Variants in SLC19A1 observed in about 807,000 individuals in gnomAD.
SLC19A1 encodes the protein reduced folate transporter.
In SLC19A1, 37 loss-of-function variants were observed where a neutral mutation model predicts 35.3. That is an observed-to-expected ratio of 1.05 (90% CI 0.81 to 1.38). SLC19A1 has a LOEUF of 1.38. Ranked by LOEUF, SLC19A1 falls within the 40% of genes most tolerant of loss-of-function variation. SLC19A1 has a pLI of 0.00. For missense variants in SLC19A1, 831 were observed against 826.9 expected (o/e 1.00, Z -0.06); for synonymous variants, 460 against 398.5 (o/e 1.15, Z -1.84).
chr21:45,520,850 G>A (rs150760376), intron 5 of SLC19A1, among the ~76,000 whole-genome samples: 19 of 152,088 alleles, frequency 1.2e-4, no homozygotes, highest in Non-Finnish European at 1.8e-4. Flanking sequence ...GAGAAACCCC[G>A]TCTCTACTAA....
At chr21:45,552,270 C>A (rs997399310) in intron 1 of SLC19A1, among the ~76,000 whole-genome samples, 3 of 152,188 alleles carry the variant, frequency 2.0e-5, no homozygotes, top group Non-Finnish European at 4.4e-5. Flanking sequence ...GGAGCTACAT[C>A]CTGGCCTCAG....
At chr21:45,535,639 G>A (rs1361594532) in intron 2 of SLC19A1, among the ~76,000 whole-genome samples, 1 of 152,194 alleles carries the variant, frequency 6.6e-6, no homozygotes, top group East Asian at 1.9e-4. Flanking sequence ...GGAGTGAACT[G>A]GAAGTGCCAG....
intron 3 of SLC19A1, chr21:45,505,752 G>C: frequency 1.8e-6 from 2 of 1,116,172 alleles, no homozygotes; most frequent in Admixed American, 2.0e-5. Context: ...CCCCTGCCCA[G>C]CACCCTGAAA....
chr21:45,534,713 C>A lies in SLC19A1; in HGVS notation c.190-2565G>T. ...CTGCACCTCCTCAACGGCCCCTACTCCCTCTTCCTCAGCCTTGGCAGGCAG... is the reference window on the plus strand; with the variant it reads ...CTGCACCTCCTCAACGGCCCCTACTACCTCTTCCTCAGCCTTGGCAGGCAG... On this transcript the variant is annotated intron_variant, in intron 2 of 5. Coordinates refer to ENST00000311124, the MANE Select transcript of SLC19A1 (RefSeq NM_194255.4). This position sits in a 1 kb window ranked among gnomAD's most constrained non-coding sequence, Gnocchi z 4.2. 1 of 875,250 alleles carries A rather than the reference C, an allele frequency of 1.1e-6. No homozygotes were observed. Among genetic ancestry groups the A allele is most frequent in the Admixed American group, 2.2e-5 (1 of 45,672 alleles). The allele number at this position is 875,250 out of a possible 1,614,324, so 54.2% of individuals were successfully genotyped here.
chr21:45,538,143 A>G, intron 1 of SLC19A1, 135 bp from the exon 2 acceptor site: 1 of 506,570 alleles, frequency 2.0e-6, no homozygotes, highest in Non-Finnish European at 3.5e-6. Context: ...CAGACCCCAG[A>G]CCCATCCTCA....
chr21:45,551,510 C>T (rs919717561), intron 1 of SLC19A1, among the ~76,000 whole-genome samples: 4 of 152,160 alleles, frequency 2.6e-5, no homozygotes, highest in Non-Finnish European at 4.4e-5. Flanking sequence ...CTACGTAGGA[C>T]GTGATTTTTG....
At chr21:45,552,335 G>A (rs2146492391) in intron 1 of SLC19A1, among the ~76,000 whole-genome samples, 1 of 152,272 alleles carries the variant, frequency 6.6e-6, no homozygotes, top group African/African-American at 2.4e-5. Context: ...TCTCAGGAGT[G>A]TCCCAGGGAA....
chr21:45,525,343 A>C (rs924863916), intron 5 of SLC19A1, among the ~76,000 whole-genome samples: 11 of 152,220 alleles, frequency 7.2e-5, no homozygotes, highest in African/African-American at 9.7e-5. Flanking sequence ...TCAGGAGTTA[A>C]ATGTGTGTTT....
At chr21:45,512,392 C>G, downstream of SLC19A1, 1 of 1,612,458 alleles carries the variant, frequency 6.2e-7, no homozygotes, top group East Asian at 2.2e-5. Flanking sequence ...TGACTGCCTC[C>G]AAGTAGCCAC....
chr21:45,514,781 T>C lies in SLC19A1; in HGVS notation c.*877A>G. 1 of 523,068 alleles carries C rather than the reference T, an allele frequency of 1.9e-6. No homozygotes were observed. 32.4% of individuals were successfully genotyped at this position (523,068 alleles called of 1,614,324 possible). A position where few individuals can be genotyped will look rare whatever the true frequency, so the allele number is the denominator to read the frequency against. On this transcript the variant is annotated 3_prime_UTR_variant, in exon 6 of 6. Coordinates refer to ENST00000311124, the MANE Select transcript of SLC19A1 (RefSeq NM_194255.4). ...ATCACATCAGATGGTCCCGCACCTG[T>C]GGGCAAGGCACTAGCGCTCCTTAGA...
intron 5 of SLC19A1, among the ~76,000 whole-genome samples, chr21:45,520,046 A>C (rs1454408435): frequency 6.6e-6 from 1 of 151,888 alleles, no homozygotes; most frequent in Non-Finnish European, 1.5e-5. Flanking sequence ...AATTAATAAC[A>C]GAAAGATAAC....
At chr21:45,556,625 C>T (rs1342212668) in intron 1 of SLC19A1, among the ~76,000 whole-genome samples, 3 of 152,268 alleles carry the variant, frequency 2.0e-5, no homozygotes, top group Non-Finnish European at 4.4e-5. Context: ...GTCAGTGACA[C>T]ACCTGTCTGC....
downstream of SLC19A1, chr21:45,510,024 A>G: frequency 6.5e-7 from 1 of 1,532,356 alleles, no homozygotes; most frequent in South Asian, 1.2e-5. Flanking sequence ...TGCAGGGGGC[A>G]GCGTGGGACA....
Position 45,553,263 on chromosome 21 carries a change from C to T in SLC19A1, c.-50+9479G>A, listed in dbSNP as rs569794471. Among the ~76,000 whole-genome samples, 15 of 152,176 alleles carry T rather than the reference C, an allele frequency of 9.9e-5. No homozygotes were observed. In the East Asian group the frequency reaches 1.2e-3, roughly 12 times the overall value. ...CCCACCGGCCTAAGGGGACGGGAGC[C>T]GCTGACCTTTAGGACCTGTGCAAGG... is the stretch of plus-strand genomic sequence containing the variant. On this transcript the variant is annotated intron_variant, in intron 1 of 5. Coordinates refer to the SLC19A1 transcript ENST00000650808.
intron 5 of SLC19A1, 126 bp downstream of exon 5, chr21:45,525,691 C>A (rs1466696788): frequency 2.1e-5 from 22 of 1,060,530 alleles, no homozygotes; most frequent in Non-Finnish European, 2.9e-5. Context: ...CCACTGGAAG[C>A]CCCAGGCCCG....
rs894659255 is a variant in SLC19A1, at chr21:45,540,881, C to A, written c.-50+1487G>T. Among the ~76,000 whole-genome samples the A allele has an allele frequency of 6.6e-6, 1 of 152,184 alleles. No individual in the cohort carries two copies. The highest frequency in any genetic ancestry group is 2.4e-5 in the African/African-American group (1 of 41,448). ...GTGACCAGCCCCACCCAGGCCCTGT[C>A]CTTCCAAGCACCAGAGAAGGCCAGA... On this transcript the variant is annotated intron_variant, in intron 1 of 5. Transcript: ENST00000311124. The surrounding 1 kb of genome is among the most constrained non-coding windows in gnomAD (Gnocchi z 5.5).
intron 5 of SLC19A1, among the ~76,000 whole-genome samples, chr21:45,518,840 ATCTG>A (rs1262426548): frequency 2.6e-5 from 4 of 152,198 alleles, no homozygotes; most frequent in African/African-American, 9.6e-5. Context: ...TAACCAGCAG[ATCTG>A]TCTAAAATAA....
downstream of SLC19A1, chr21:45,509,553 G>C (rs1050351): frequency 6.5e-7 from 1 of 1,534,084 alleles, no homozygotes; most frequent in East Asian, 2.4e-5. Flanking sequence ...TGCGGCCGGC[G>C]CGACCCACAA....
At chr21:45,556,619 G>T (rs775501329) in intron 1 of SLC19A1, among the ~76,000 whole-genome samples, 11 of 152,260 alleles carry the variant, frequency 7.2e-5, no homozygotes, top group Non-Finnish European at 1.3e-4. Flanking sequence ...AAACCAGTCA[G>T]TGACACACCT....
Sources: allele counts gnomAD v4.1 joint callset (sites outside exome capture counted in the v4.1 genomes callset), GRCh38; gene constraint gnomAD v4.1.1; non-coding constraint Gnocchi (gnomAD v3.1); transcripts MANE v1.5; gene names NCBI Gene and HGNC (gene_info 2026-07-23, HGNC 2026-07-21).